Variants in SLC4A5 observed in about 807,000 individuals in gnomAD.
SLC4A5 encodes the protein solute carrier family 4 member 5.
A neutral mutation model predicts 120.4 loss-of-function variants in SLC4A5; 96 were observed. That is an observed-to-expected ratio of 0.80 (90% CI 0.68 to 0.94). The LOEUF (loss-of-function observed/expected upper bound fraction) is 0.94. SLC4A5 is among the 40% of genes least tolerant of loss of function. The probability of loss-of-function intolerance (pLI) is 0.00; values close to 1 mark genes in which losing one functional copy is unlikely to be tolerated. For synonymous variants in SLC4A5, 550 were observed against 571.1 expected, an observed-to-expected ratio of 0.96 and a Z score of 0.53; for missense variants, 1,259 against 1,459.5, an observed-to-expected ratio of 0.86 and a Z score of 2.24.
At chr2:74,235,497 T>C (rs1209895812) in intron 21 of SLC4A5, among the ~76,000 whole-genome samples, 1 of 152,166 alleles carries the variant, frequency 6.6e-6, no homozygotes, top group Non-Finnish European at 1.5e-5. Context: ...GCTTGGCATA[T>C]GGTGGTCAAT....
intron 23 of SLC4A5, 61 bp downstream of exon 23, chr2:74,233,341 C>T (rs1028284631): frequency 2.0e-5 from 32 of 1,582,584 alleles, no homozygotes; most frequent in South Asian, 5.5e-5. Flanking sequence ...GTCCTTCCTT[C>T]GCTCTTTCTG....
chr2:74,225,784 T>A (rs1694822432), intron 27 of SLC4A5, among the ~76,000 whole-genome samples: 1 of 152,128 alleles, frequency 6.6e-6, no homozygotes, highest in South Asian at 2.1e-4. Flanking sequence ...GACCCACACA[T>A]TGAATTTTAC....
intron 14 of SLC4A5, 71 bp downstream of exon 14, chr2:74,254,548 A>C: frequency 8.4e-7 from 1 of 1,193,596 alleles, no homozygotes. Context: ...GGATAAGTTA[A>C]TGAATGAAGG....
At chr2:74,309,490 T>C (rs1336874561) in intron 6 of SLC4A5, among the ~76,000 whole-genome samples, 1 of 152,186 alleles carries the variant, frequency 6.6e-6, no homozygotes, top group Non-Finnish European at 1.5e-5. Context: ...TTCAGTGTTA[T>C]GTTGTCTATT....
At chr2:74,241,788 A>T (rs1670457286) in intron 20 of SLC4A5, among the ~76,000 whole-genome samples, 1 of 151,404 alleles carries the variant, frequency 6.6e-6, no homozygotes, top group Non-Finnish European at 1.5e-5. Context: ...TAACAGAATG[A>T]GGCATGTTTT....
exon 19 of SLC4A5, chr2:74,247,243 G>A (rs1670641863): frequency 6.2e-7 from 1 of 1,614,110 alleles, no homozygotes; most frequent in Non-Finnish European, 8.5e-7. Flanking sequence ...ACTAGGATAA[G>A]GCACTGGACA....
At chr2:74,341,495 G>T (rs1673625107) in intron 2 of SLC4A5, among the ~76,000 whole-genome samples, 3 of 152,104 alleles carry the variant, frequency 2.0e-5, no homozygotes. Flanking sequence ...TGAGGGCAAG[G>T]ACCATGTGCT....
At chr2:74,316,212 A>G (rs1672958980) in intron 5 of SLC4A5, among the ~76,000 whole-genome samples, 1 of 151,978 alleles carries the variant, frequency 6.6e-6, no homozygotes, top group African/African-American at 2.4e-5. Context: ...TTTTAAAAAA[A>G]TTAGAAAACC....
At chr2:74,245,676 G>A (rs1350046771) in intron 19 of SLC4A5, among the ~76,000 whole-genome samples, 1 of 152,200 alleles carries the variant, frequency 6.6e-6, no homozygotes, top group Non-Finnish European at 1.5e-5. Context: ...CAAAATCAGT[G>A]CAGTCACAGA....
At chr2:74,335,871 T>C (rs1419797847) in intron 3 of SLC4A5, among the ~76,000 whole-genome samples, 2 of 152,144 alleles carry the variant, frequency 1.3e-5, no homozygotes, top group East Asian at 1.9e-4. Context: ...AGGGCAAATA[T>C]GCTTAAGTTC....
chr2:74,254,628 C>G, exon 14 of SLC4A5: 1 of 1,613,938 alleles, frequency 6.2e-7, no homozygotes, highest in Non-Finnish European at 8.5e-7. Flanking sequence ...CATCATCTAC[C>G]ATGAGGGTTG....
chr2:74,228,629 A>T (rs559112356), intron 25 of SLC4A5, among the ~76,000 whole-genome samples: 8 of 152,062 alleles, frequency 5.3e-5, no homozygotes, highest in Non-Finnish European at 1.0e-4. Flanking sequence ...CTGTCTCAAA[A>T]AAACCAAACA....
rs1672451678 is a variant in SLC4A5, at chr2:74,300,617, A to G, written c.271+3872T>C. Among the ~76,000 whole-genome samples, 5 of 152,268 alleles carry G rather than the reference A, an allele frequency of 3.3e-5. No homozygotes were observed. The South Asian group carries it at 1.0e-3, about 32-fold the overall frequency. On this transcript the variant is annotated intron_variant, in intron 7 of 30. Transcript: ENST00000394019. ...GGAAGCCTGTGCTGCCCCCTCTGCC[A>G]CCACTCACCACCTAGGCCTATGTGC...
In SLC4A5 at chr2:74,311,357, A is replaced by G. The variant is rs116387530; in HGVS notation, c.79+3588T>C. Among the ~76,000 whole-genome samples the G allele has an allele frequency of 3.7e-3, 557 of 151,786 alleles. 8 individuals are homozygous for G. Among genetic ancestry groups the G allele is most frequent in the African/African-American group, 0.012 (484 of 41,394 alleles). On this transcript the variant is annotated intron_variant, in intron 6 of 30. Transcript: ENST00000394019. ...CTTCTTGCTTTAGGATTATTTTGCA[A>G]TTCCTTCTCTTGTTTCCTAATATGG...
chr2:74,239,292 C>T (rs752574547), intron 21 of SLC4A5, 43 bp downstream of exon 21: 1 of 1,589,638 alleles, frequency 6.3e-7, no homozygotes, highest in Non-Finnish European at 8.6e-7. Flanking sequence ...GACTCAGCAG[C>T]TGTCTGACTG....
intron 7 of SLC4A5, among the ~76,000 whole-genome samples, chr2:74,286,124 C>G (rs1400196038): frequency 6.6e-6 from 1 of 152,218 alleles, no homozygotes; most frequent in Non-Finnish European, 1.5e-5. Context: ...AGTCTGCATT[C>G]AGATCCAGGG....
chr2:74,242,073 C>CG (rs1670466873), intron 19 of SLC4A5, 21 bp from the exon 20 acceptor site: 1 of 1,598,302 alleles, frequency 6.3e-7, no homozygotes, highest in African/African-American at 1.3e-5. Context: ...GCACATGACA[C>CG]GGGGCAGGGT....
intron 7 of SLC4A5, among the ~76,000 whole-genome samples, chr2:74,294,625 C>A (rs750800735): frequency 3.6e-4 from 54 of 151,836 alleles, no homozygotes; most frequent in Non-Finnish European, 7.5e-4. Flanking sequence ...CTGACAGAGG[C>A]CAGTGGGGAC....
At chr2:74,321,624 TG>T (rs1673100109) in intron 5 of SLC4A5, among the ~76,000 whole-genome samples, 1 of 152,002 alleles carries the variant, frequency 6.6e-6, no homozygotes, top group African/African-American at 2.4e-5. Context: ...AAGTTTTTAC[TG>T]GGAAAATAAT....
Sources: gnomAD v4.1 joint callset for allele counts (sites outside exome capture counted in the v4.1 genomes callset) on GRCh38, gnomAD v4.1.1 for gene constraint, MANE v1.5 for transcripts, NCBI Gene and HGNC (gene_info 2026-07-23, HGNC 2026-07-21) for gene names.